Variants in RBFOX1 observed in about 807,000 individuals in gnomAD.
RBFOX1 encodes RNA binding fox-1 homolog 1.
In RBFOX1, 8 loss-of-function variants were observed where a neutral mutation model predicts 57.7. That is an observed-to-expected ratio of 0.14 (90% CI 0.08 to 0.25). RBFOX1 has a LOEUF of 0.25. RBFOX1 is among the 10% of genes least tolerant of loss of function. RBFOX1 has a pLI of 1.00. For missense variants in RBFOX1, 611 were observed against 548.5 expected, an observed-to-expected ratio of 1.11 and a Z score of -1.14; for synonymous variants, 326 against 222.4, an observed-to-expected ratio of 1.47 and a Z score of -4.15.
intron 1 of RBFOX1, among the ~76,000 whole-genome samples, chr16:6,201,388 C>G (rs2097214212): frequency 6.6e-6 from 1 of 152,170 alleles, no homozygotes; most frequent in Admixed American, 6.5e-5. Flanking sequence ...ATACTGTTCC[C>G]CAGAGTGGCT....
At chr16:7,689,652 G>A (rs1009302782) in intron 14 of RBFOX1, among the ~76,000 whole-genome samples, 2 of 152,064 alleles carry the variant, frequency 1.3e-5, no homozygotes, top group African/African-American at 4.8e-5. Context: ...TGGAAGAGAG[G>A]TAGAATATAG....
At chr16:5,903,312 G>C (rs184351839) in intron 4 of RBFOX1, among the ~76,000 whole-genome samples, 1 of 152,156 alleles carries the variant, frequency 6.6e-6, no homozygotes, top group African/African-American at 2.4e-5. Context: ...CCTCCCTGCT[G>C]TGCATGCTCC....
At chr16:5,317,195 TTC>T (rs369981628) in intron 1 of RBFOX1, among the ~76,000 whole-genome samples, 18 of 150,326 alleles carry the variant, frequency 1.2e-4, no homozygotes, top group Non-Finnish European at 1.3e-4. Context: ...AAATCCTTTC[TTC>T]TCTCTCTCTC....
At chr16:5,816,861 A>G (rs570653193) in intron 3 of RBFOX1, among the ~76,000 whole-genome samples, 27 of 152,082 alleles carry the variant, frequency 1.8e-4, no homozygotes, top group Admixed American at 1.4e-3. Context: ...GTATTATTTT[A>G]TTTTTAATTT....
chr16:5,347,304 G>T (rs1048390392), intron 1 of RBFOX1, among the ~76,000 whole-genome samples: 2 of 152,154 alleles, frequency 1.3e-5, no homozygotes, highest in African/African-American at 4.8e-5. Flanking sequence ...ATGTAGAAGT[G>T]TGTCTTACAT....
intron 4 of RBFOX1, among the ~76,000 whole-genome samples, chr16:7,134,241 G>C (rs893110374): frequency 1.3e-5 from 2 of 152,150 alleles, no homozygotes; most frequent in African/African-American, 4.8e-5. Context: ...GATCAATAGA[G>C]CTGTGCTAAT....
At chr16:7,062,220 G>T (rs1437193092) in intron 4 of RBFOX1, among the ~76,000 whole-genome samples, 1 of 149,770 alleles carries the variant, frequency 6.7e-6, no homozygotes, top group Non-Finnish European at 1.5e-5. Context: ...TCAGGAGGCT[G>T]AGGCAGGAGA....
At chr16:5,763,208 A>T (rs1198173943) in intron 3 of RBFOX1, among the ~76,000 whole-genome samples, 1 of 151,954 alleles carries the variant, frequency 6.6e-6, no homozygotes, top group Non-Finnish European at 1.5e-5. Context: ...CGCTGTTGGC[A>T]CTTTAAGCTT....
intron 4 of RBFOX1, among the ~76,000 whole-genome samples, chr16:7,277,949 A>C (rs954412655): frequency 2.9e-4 from 8 of 27,604 alleles, no homozygotes; most frequent in Non-Finnish European, 8.2e-4. Flanking sequence ...AATGATTAGC[A>C]AAAAAAAAAA....
intron 4 of RBFOX1, among the ~76,000 whole-genome samples, chr16:7,364,003 A>G (rs1871349653): frequency 6.6e-6 from 1 of 152,220 alleles, no homozygotes; most frequent in Non-Finnish European, 1.5e-5. Context: ...ACAGGAAGAC[A>G]GCAAGATCGT....
At chr16:5,814,876 C>T (rs2055568975) in intron 3 of RBFOX1, among the ~76,000 whole-genome samples, 1 of 152,094 alleles carries the variant, frequency 6.6e-6, no homozygotes. Context: ...TTGCAGTGAG[C>T]CGAGATTGCG....
At chr16:7,082,663 C>G (rs1212154921) in intron 4 of RBFOX1, among the ~76,000 whole-genome samples, 1 of 152,148 alleles carries the variant, frequency 6.6e-6, no homozygotes, top group African/African-American at 2.4e-5. Context: ...AGTAACACAA[C>G]TGTTTAATGA....
chr16:6,448,156 C>CTTTCTTTTTTT (rs2094523593), intron 2 of RBFOX1, among the ~76,000 whole-genome samples: 8 of 78,474 alleles, frequency 1.0e-4, no homozygotes, highest in African/African-American at 3.9e-4. Flanking sequence ...TCTTTTCTTT[C>CTTTCTTTTTTT]TTTTTTTTTT....
intron 4 of RBFOX1, among the ~76,000 whole-genome samples, chr16:7,438,928 A>T (rs574344005): frequency 1.3e-5 from 2 of 152,326 alleles, no homozygotes; most frequent in South Asian, 2.1e-4. Flanking sequence ...GTCCCTGGGA[A>T]TAAAAAGAAA....
chr16:6,330,502 C>T (rs1336383579), intron 2 of RBFOX1, among the ~76,000 whole-genome samples: 1 of 152,158 alleles, frequency 6.6e-6, no homozygotes, highest in Non-Finnish European at 1.5e-5. Context: ...CCCTAACATT[C>T]CTGTGATGCT....
chr16:6,902,555 C>T (rs919922767), intron 3 of RBFOX1, among the ~76,000 whole-genome samples: 10 of 152,114 alleles, frequency 6.6e-5, no homozygotes, highest in African/African-American at 2.4e-4. Flanking sequence ...TGCCCTGTCA[C>T]TACTAAAAAT....
intron 3 of RBFOX1, among the ~76,000 whole-genome samples, chr16:6,817,268 AC>A (rs2090283613): frequency 6.6e-6 from 1 of 152,070 alleles, no homozygotes. Flanking sequence ...CATACTTCTG[AC>A]CACCTTAATG....
chr16:7,037,430 C>G (rs576069856), intron 3 of RBFOX1, among the ~76,000 whole-genome samples: 36 of 151,832 alleles, frequency 2.4e-4, no homozygotes, highest in African/African-American at 8.7e-4. Context: ...TTACCCAGCC[C>G]CTATTCAAGA....
intron 3 of RBFOX1, among the ~76,000 whole-genome samples, chr16:5,713,844 A>G (rs1285049230): frequency 6.6e-6 from 1 of 152,150 alleles, no homozygotes; most frequent in African/African-American, 2.4e-5. Context: ...GTGAAGTACA[A>G]AGACTCGATC....
Sources: allele counts gnomAD v4.1 joint callset (sites outside exome capture counted in the v4.1 genomes callset), GRCh38; gene constraint gnomAD v4.1.1; transcripts MANE v1.5; gene names NCBI Gene and HGNC (gene_info 2026-07-23, HGNC 2026-07-21).